The following CD44 variants were observed in gnomAD, a reference collection of about 807,000 sequenced individuals.
CD44 encodes the protein CD44 antigen.
CD44 carries 49 observed loss-of-function variants against 88.8 expected under a neutral mutation model. That is an observed-to-expected ratio of 0.55 (90% CI 0.44 to 0.70). CD44 has a LOEUF of 0.70. CD44 is among the 30% of genes least tolerant of loss of function. The pLI, the probability that CD44 is intolerant of heterozygous loss-of-function variation, is 0.00. For synonymous variants in CD44, 325 were observed against 312.3 expected, an observed-to-expected ratio of 1.04 and a Z score of -0.43; for missense variants, 883 against 913.8, an observed-to-expected ratio of 0.97 and a Z score of 0.43.
intron 1 of CD44, among the ~76,000 whole-genome samples, chr11:35,167,303 G>T (rs996728883): frequency 2.6e-5 from 4 of 151,838 alleles, no homozygotes; most frequent in Non-Finnish European, 5.9e-5. Flanking sequence ...GTTTTGTTTT[G>T]TTTTTTAACT....
intron 1 of CD44, among the ~76,000 whole-genome samples, chr11:35,147,878 C>A (rs559648579): frequency 1.3e-5 from 2 of 152,042 alleles, no homozygotes; most frequent in Admixed American, 1.3e-4. Context: ...GACCTGAGGT[C>A]GGGAGTTCGA....
At chr11:35,164,880 C>A (rs1943088570) in intron 1 of CD44, among the ~76,000 whole-genome samples, 1 of 152,170 alleles carries the variant, frequency 6.6e-6, no homozygotes, top group Non-Finnish European at 1.5e-5. Context: ...CTCTGAGCAT[C>A]TGTTTGTATG....
chr11:35,153,614 A>G (rs1182838503), intron 1 of CD44, among the ~76,000 whole-genome samples: 2 of 152,234 alleles, frequency 1.3e-5, no homozygotes, highest in African/African-American at 4.8e-5. Flanking sequence ...ACTGTAGACA[A>G]GAGAGGCATA....
rs76229643 is a variant in CD44 at position 35,215,051 on chromosome 11, C to T, written c.1873+137C>T. On this transcript the variant is annotated intron_variant, in intron 15 of 17. Transcript: ENST00000428726. ...GCATACATCACAATTGCAGGGAGGG[C>T]TTATTAAACCACAATGCTGGACCCC... 3.7e-3 allele frequency: 1,720 copies of T among 459,136 alleles called. 5 individuals are homozygous for T. Among genetic ancestry groups the T allele is most frequent in the Non-Finnish European group, 5.5e-3 (1,466 of 265,682 alleles). The allele number at this position is 459,136 out of a possible 1,614,324, so 28.4% of individuals were successfully genotyped here.
intron 2 of CD44, 84 bp downstream of exon 2, chr11:35,176,824 C>A: frequency 7.6e-7 from 1 of 1,324,148 alleles, no homozygotes; most frequent in South Asian, 1.3e-5. Context: ...GCTCCTTTCC[C>A]ACAGCTGAAT....
chr11:35,179,395 T>C (rs753423390), intron 2 of CD44, among the ~76,000 whole-genome samples: 5 of 152,192 alleles, frequency 3.3e-5, no homozygotes, highest in African/African-American at 7.2e-5. Context: ...AAAAATTGTG[T>C]TTTTAGCACA....
rs1480279420 is a variant in CD44 at position 35,222,178 on chromosome 11, CA to C, written c.2024+449del. 1.3e-5 allele frequency among the ~76,000 whole-genome samples: 2 copies of C among 152,310 alleles called. 1 individual carries two copies. Among genetic ancestry groups the C allele is most frequent in the East Asian group, 3.9e-4 (2 of 5,194 alleles). On this transcript the variant is annotated intron_variant, in intron 17 of 17. Coordinates refer to ENST00000428726, the MANE Select transcript of CD44 (RefSeq NM_000610.4). ...ATTTATTAAATACATTCACAATGCA[CA>C]AATATCGTATAAAGATTCAGTGATT...
intron 7 of CD44, among the ~76,000 whole-genome samples, chr11:35,199,531 T>C (rs866518424): frequency 1.6e-4 from 24 of 151,932 alleles, no homozygotes; most frequent in Non-Finnish European, 2.5e-4. Context: ...CATCCTCAAA[T>C]GGACAGAGAA....
chr11:35,198,220 A>G lies in CD44; in HGVS notation c.896A>G (p.Asp299Gly). The change falls in exon 7 of 18, where the codon GAT becomes GGT. Residue 299 changes from aspartate to glycine, a missense_variant. Asp to Gly is a moderately conservative substitution (Grantham distance 94). This residue lies in a region of CD44 where 631 missense variants were observed against 590.9 expected (regional missense o/e 1.07). Coordinates refer to ENST00000428726, the MANE Select transcript of CD44 (RefSeq NM_000610.4). The part of the protein sequence containing the change: ...HLSFSGSGID[D>G]DEDFISSTIS... Reference sequence around the variant, plus strand: ...AGTTTTTCTGGATCAGGCATTGATGATGATGAAGATTTTATCTCCAGCACC... The same window carrying G: ...AGTTTTTCTGGATCAGGCATTGATGGTGATGAAGATTTTATCTCCAGCACC... 1.2e-6 allele frequency: 2 copies of G among 1,613,978 alleles called. No homozygotes were observed. Among genetic ancestry groups the G allele is most frequent in the Non-Finnish European group, 1.7e-6 (2 of 1,179,836 alleles).
intron 5 of CD44, among the ~76,000 whole-genome samples, chr11:35,195,384 G>T (rs1946642147): frequency 6.6e-6 from 1 of 151,720 alleles, no homozygotes; most frequent in Non-Finnish European, 1.5e-5. Context: ...TTATGTTATG[G>T]TTGCCATATC....
intron 1 of CD44, among the ~76,000 whole-genome samples, chr11:35,145,700 G>A (rs1234567403): frequency 2.0e-5 from 3 of 152,164 alleles, no homozygotes; most frequent in Admixed American, 6.5e-5. Context: ...GAGATCCTTG[G>A]GTGAGAGGCC....
At position 35,176,706 on chromosome 11, in the gene CD44, G is replaced by A. The variant is rs763715662; in HGVS notation, c.199G>A (p.Glu67Lys). 9.9e-6 allele frequency: 16 copies of A among 1,614,144 alleles called. No individual in the cohort carries two copies. The highest frequency in any genetic ancestry group is 1.2e-5 in the Non-Finnish European group (14 of 1,180,006). The change falls in exon 2 of 18, where the codon GAG becomes AAG. Residue 67 changes from glutamate to lysine, a missense_variant. Around this residue, in one of 2 missense-constraint regions of CD44, gnomAD observed 252 missense variants for 322.9 expected, o/e 0.78. Coordinates refer to ENST00000428726, the MANE Select transcript of CD44 (RefSeq NM_000610.4). ...NSTLPTMAQM[E>K]KALSIGFETC... ...CACCTTGCCCACAATGGCCCAGATG[G>A]AGAAAGCTCTGAGCATCGGATTTGA...
chr11:35,218,979 T>C (rs1164865732), intron 15 of CD44: 5 of 241,798 alleles, frequency 2.1e-5, no homozygotes, highest in Non-Finnish European at 4.1e-5. Flanking sequence ...AGAAGGTAGA[T>C]TGACCCAGCA....
rs353618 is a variant in CD44 at position 35,153,498 on chromosome 11, T to C, written c.67+14128T>C. Among the ~76,000 whole-genome samples the C allele has an allele frequency of 0.32, 48,004 of 152,102 alleles. 7,854 individuals carry two copies. Among genetic ancestry groups the C allele is most frequent in the African/African-American group, 0.4 (16,521 of 41,466 alleles). ...ACTTGCCCAGACTCTCTGAGCAATTTTGTGAGTTGAGTCAACAATCAATGG... is the reference window on the plus strand; with the variant it reads ...ACTTGCCCAGACTCTCTGAGCAATTCTGTGAGTTGAGTCAACAATCAATGG... On this transcript the variant is annotated intron_variant, in intron 1 of 17. Transcript: ENST00000428726.
intron 1 of CD44, among the ~76,000 whole-genome samples, chr11:35,165,075 G>T (rs1381008273): frequency 6.6e-5 from 10 of 152,190 alleles, no homozygotes. Context: ...ATGGGGTAGG[G>T]TGGGTGCTGG....
At chr11:35,206,021 A>AGAATAAAGT in intron 10 of CD44, 91 bp from the exon 11 acceptor site, 65 of 1,424,690 alleles carry the variant, frequency 4.6e-5, no homozygotes, top group Non-Finnish European at 5.8e-5. Context: ...TCTTGTCTAG[A>AGAATAAAGT]GAATAAAGTC....
At chr11:35,166,066 C>G (rs117164163) in intron 1 of CD44, among the ~76,000 whole-genome samples, 76 of 152,268 alleles carry the variant, frequency 5.0e-4, no homozygotes, top group Non-Finnish European at 8.8e-4. Context: ...ACCAAGTGGC[C>G]CAACCTTATT....
intron 1 of CD44, among the ~76,000 whole-genome samples, chr11:35,152,687 T>TA (rs2133190986): frequency 6.6e-6 from 1 of 152,328 alleles, no homozygotes; most frequent in Admixed American, 6.5e-5. Context: ...ATTGAAACTG[T>TA]ATTCTTTGGA....
chr11:35,231,908 G>A lies in CD44; in HGVS notation c.*2575G>A, dbSNP rs1216251869. On this transcript the variant is annotated 3_prime_UTR_variant, in exon 18 of 18. Coordinates refer to ENST00000428726, the MANE Select transcript of CD44 (RefSeq NM_000610.4). ...ACTTCCCTTAAAATTAGCTCTGAGTGAAAAATCAAAAGAGACAAAAGACAT... is the reference window on the plus strand; with the variant it reads ...ACTTCCCTTAAAATTAGCTCTGAGTAAAAAATCAAAAGAGACAAAAGACAT... The A allele has an allele frequency of 6.6e-6, 1 of 152,174 alleles. No homozygotes were observed. The highest frequency in any genetic ancestry group is 1.5e-5 in the Non-Finnish European group (1 of 68,020). 9.4% of individuals were successfully genotyped at this position (152,174 alleles called of 1,614,324 possible).
Sources: gnomAD v4.1 joint callset for allele counts (sites outside exome capture counted in the v4.1 genomes callset) on GRCh38, gnomAD v4.1.1 for gene constraint, gnomAD v4.1.1 regional missense constraint, MANE v1.5 for transcripts, NCBI Gene and HGNC (gene_info 2026-07-23, HGNC 2026-07-21) for gene names.